DPP6: variants seen among roughly 807,000 people sequenced by gnomAD.
The protein encoded by DPP6 is A-type potassium channel modulatory protein DPP6.
A neutral mutation model predicts 122.6 loss-of-function variants in DPP6; 69 were observed. The observed-to-expected ratio is 0.56, with a 90% CI of 0.46 to 0.69. The LOEUF (loss-of-function observed/expected upper bound fraction) is 0.69. Ranked by LOEUF, DPP6 falls within the 30% of genes least tolerant of loss-of-function variation. DPP6 has a pLI of 0.00. For synonymous variants in DPP6, 418 were observed against 433.1 expected, an observed-to-expected ratio of 0.97 and a Z score of 0.43; for missense variants, 928 against 1,116.9, an observed-to-expected ratio of 0.83 and a Z score of 2.41.
At chr7:154,823,878 C>T (rs1799960718) in intron 16 of DPP6, among the ~76,000 whole-genome samples, 1 of 152,204 alleles carries the variant, frequency 6.6e-6, no homozygotes, top group African/African-American at 2.4e-5. Context: ...CTCTCTGCTC[C>T]ATGCAGTGGT....
intron 20 of DPP6, among the ~76,000 whole-genome samples, chr7:154,880,498 C>T (rs960226891): frequency 3.9e-5 from 6 of 152,230 alleles, no homozygotes; most frequent in African/African-American, 1.2e-4. Flanking sequence ...TCCTGCCGAC[C>T]CCTAAGGCTC....
the DPP6 span, among the ~76,000 whole-genome samples, chr7:153,847,128 A>G: frequency 1.3e-5 from 2 of 152,350 alleles, no homozygotes; most frequent in East Asian, 3.9e-4. Context: ...TAAAAAATTC[A>G]GATAGTTTCT....
chr7:154,068,106 G>A (rs1802872066), intron 1 of DPP6, among the ~76,000 whole-genome samples: 1 of 152,050 alleles, frequency 6.6e-6, no homozygotes, highest in African/African-American at 2.4e-5. Context: ...ATTTGGCAAT[G>A]GCTTAGTTGG....
chr7:153,748,145 T>A, the DPP6 span, among the ~76,000 whole-genome samples: 1 of 152,216 alleles, frequency 6.6e-6, no homozygotes, highest in African/African-American at 2.4e-5. Flanking sequence ...AGCGCTCGCA[T>A]CCCTCAGCTG....
At chr7:153,964,807 C>CT (rs1563055078) in intron 1 of DPP6, among the ~76,000 whole-genome samples, 34 of 52,094 alleles carry the variant, frequency 6.5e-4, no homozygotes, top group East Asian at 6.8e-3. Context: ...CTTTCCTTTC[C>CT]TTTCCTTTCC....
chr7:154,121,095 C>T (rs1423144005), intron 1 of DPP6, among the ~76,000 whole-genome samples: 1 of 152,194 alleles, frequency 6.6e-6, no homozygotes, highest in African/African-American at 2.4e-5. Context: ...TGTGAAGGGG[C>T]GCCTTCCTCC....
At chr7:154,783,873 C>A (rs569345589) in intron 10 of DPP6, among the ~76,000 whole-genome samples, 1 of 152,202 alleles carries the variant, frequency 6.6e-6, no homozygotes, top group South Asian at 2.1e-4. Flanking sequence ...GAGGCAGGAA[C>A]CAGAAGGGCT....
At chr7:154,639,286 C>G (rs1299134668) in intron 6 of DPP6, among the ~76,000 whole-genome samples, 2 of 152,158 alleles carry the variant, frequency 1.3e-5, no homozygotes, top group African/African-American at 4.8e-5. Context: ...AAAGATGGCC[C>G]AAGTTGCAAA....
chr7:154,471,246 G>A (rs772276886), intron 2 of DPP6, among the ~76,000 whole-genome samples: 23 of 152,058 alleles, frequency 1.5e-4, no homozygotes, highest in African/African-American at 4.3e-4. Flanking sequence ...GCAAGACTCC[G>A]TCTCAAAAAA....
chr7:154,645,474 C>T (rs992024982), intron 6 of DPP6, among the ~76,000 whole-genome samples: 5 of 152,142 alleles, frequency 3.3e-5, no homozygotes, highest in Non-Finnish European at 5.9e-5. Context: ...TCCTGTCCTC[C>T]TTCTATCCCT....
intron 1 of DPP6, among the ~76,000 whole-genome samples, chr7:154,125,042 C>A (rs7807500): frequency 0.032 from 4,803 of 152,264 alleles, 251 homozygotes; most frequent in African/African-American, 0.11. Flanking sequence ...AGATGACGTT[C>A]CAACAGCTGA....
At chr7:154,423,835 G>C (rs1663262505) in intron 1 of DPP6, among the ~76,000 whole-genome samples, 1 of 152,138 alleles carries the variant, frequency 6.6e-6, no homozygotes, top group South Asian at 2.1e-4. Context: ...TGATTTCATT[G>C]TTTAAAGCAA....
chr7:154,845,175 C>A (rs1030157927), intron 16 of DPP6, among the ~76,000 whole-genome samples: 1 of 152,216 alleles, frequency 6.6e-6, no homozygotes, highest in Non-Finnish European at 1.5e-5. Context: ...TTATACAACG[C>A]TGAGTCCAAG....
intron 3 of DPP6, among the ~76,000 whole-genome samples, chr7:154,503,829 A>G (rs1825448181): frequency 6.6e-6 from 1 of 152,218 alleles, no homozygotes; most frequent in African/African-American, 2.4e-5. Context: ...CTGCATCAGG[A>G]GGACTAGCTA....
At position 154,336,846 on chromosome 7, in the gene DPP6, TC is replaced by T. The variant is rs1413917018; in HGVS notation, c.244-109363del. On this transcript the variant is annotated intron_variant, in intron 1 of 25. Coordinates refer to ENST00000377770, the MANE Select transcript of DPP6 (RefSeq NM_130797.4). ...TGGGCAGGCTCCATGCAGAGCAGGA[TC>T]CCCCGTGGAGCCTACACAGCCTTGC... 2.6e-5 allele frequency among the ~76,000 whole-genome samples: 4 copies of T among 151,740 alleles called. No individual in the cohort carries two copies. The East Asian group carries it at 7.8e-4, about 30-fold the overall frequency.
chr7:154,746,845 T>A (rs1843057729), intron 8 of DPP6, among the ~76,000 whole-genome samples: 1 of 152,218 alleles, frequency 6.6e-6, no homozygotes, highest in South Asian at 2.1e-4. Context: ...CAAAATATAC[T>A]GTCTGTATCT....
the DPP6 span, among the ~76,000 whole-genome samples, chr7:153,857,398 G>C: frequency 1.4e-3 from 196 of 142,724 alleles, 3 homozygotes; most frequent in African/African-American, 4.5e-3. Flanking sequence ...TAGTTGCTAT[G>C]GTCAACATTT....
intron 1 of DPP6, among the ~76,000 whole-genome samples, chr7:153,919,475 ACT>A (rs1800532089): frequency 6.6e-6 from 1 of 152,150 alleles, no homozygotes; most frequent in African/African-American, 2.4e-5. Flanking sequence ...GCTACACTAA[ACT>A]CTACCTCTGC....
intron 1 of DPP6, among the ~76,000 whole-genome samples, chr7:154,312,553 G>A (rs141826855): frequency 3.2e-3 from 486 of 152,278 alleles, no homozygotes; most frequent in Non-Finnish European, 5.7e-3. Context: ...GCGTCACCTC[G>A]AGCTGCTAAG....
Sources: gnomAD v4.1 joint callset for allele counts (sites outside exome capture counted in the v4.1 genomes callset) on GRCh38, gnomAD v4.1.1 for gene constraint, MANE v1.5 for transcripts, NCBI Gene and HGNC (gene_info 2026-07-23, HGNC 2026-07-21) for gene names.